The following RASSF8 variants were observed in gnomAD, a reference collection of about 807,000 sequenced individuals.
The protein encoded by RASSF8 is Ras association domain family member 8.
In RASSF8, 22 loss-of-function variants were observed where a neutral mutation model predicts 48.5. The observed-to-expected ratio is 0.45, with a 90% CI of 0.32 to 0.65. RASSF8 has a LOEUF of 0.65. Ranked by LOEUF, RASSF8 falls within the 30% of genes least tolerant of loss-of-function variation. The probability of loss-of-function intolerance (pLI) is 0.03; values close to 1 mark genes in which losing one functional copy is unlikely to be tolerated. For synonymous variants in RASSF8, 127 were observed against 171.5 expected, an observed-to-expected ratio of 0.74 and a Z score of 2.03; for missense variants, 418 against 489.2, an observed-to-expected ratio of 0.85 and a Z score of 1.37.
rs2136797219 is a variant in RASSF8, at chr12:25,959,046, G to T, written c.-305G>T. 1.4e-5 allele frequency: 2 copies of T among 147,702 alleles called. No individual in the cohort carries two copies. Among genetic ancestry groups the T allele is most frequent in the African/African-American group, 4.9e-5 (2 of 41,112 alleles). The allele number at this position is 147,702 out of a possible 1,614,324, so 9.1% of individuals were successfully genotyped here. ...GGAGTGCCGGGGAGTGCGGCGCGGG[G>T]ACGGGCGCTGGGCGGCCGCGGAGCT... On this transcript the variant is annotated 5_prime_UTR_variant, in exon 1 of 6. Coordinates refer to ENST00000689635, the MANE Select transcript of RASSF8 (RefSeq NM_001394098.1).
chr12:26,067,824 G>C, intron 5 of RASSF8, 111 bp downstream of exon 5: 1 of 1,413,886 alleles, frequency 7.1e-7, no homozygotes, highest in East Asian at 2.4e-5. Context: ...GAATGCCAGG[G>C]GTATTACCAC....
At chr12:25,996,648 G>C (rs921467057) in intron 2 of RASSF8, among the ~76,000 whole-genome samples, 2 of 152,176 alleles carry the variant, frequency 1.3e-5, no homozygotes, top group African/African-American at 4.8e-5. Flanking sequence ...TAGGTCAGCA[G>C]CCTTTAATTT....
chr12:26,045,962 G>A (rs1312268868), intron 2 of RASSF8, among the ~76,000 whole-genome samples: 1 of 152,168 alleles, frequency 6.6e-6, no homozygotes, highest in Non-Finnish European at 1.5e-5. Flanking sequence ...CAGGTGTGCA[G>A]AAGAAAAGTG....
intron 2 of RASSF8, among the ~76,000 whole-genome samples, chr12:26,048,145 A>C (rs530873171): frequency 1.2e-3 from 180 of 152,338 alleles, no homozygotes; most frequent in South Asian, 6.0e-3. Flanking sequence ...ACTTATATTT[A>C]AAAATGGATG....
chr12:26,010,124 ATGCCT>A (rs1942487778), intron 2 of RASSF8, among the ~76,000 whole-genome samples: 1 of 152,218 alleles, frequency 6.6e-6, no homozygotes, highest in Admixed American at 6.5e-5. Context: ...TGGCTAACCA[ATGCCT>A]AATCCATTCT....
Position 26,065,091 on chromosome 12 carries a change from G to A in RASSF8, c.697G>A (p.Glu233Lys), listed in dbSNP as rs1186601699. 3 of 1,613,892 alleles carry A rather than the reference G, an allele frequency of 1.9e-6. No homozygotes were observed. The highest frequency in any genetic ancestry group is 2.5e-6 in the Non-Finnish European group (3 of 1,179,976). The change falls in exon 4 of 6, where the codon GAA becomes AAA. Residue 233 changes from glutamate (E) to lysine (K), a missense_variant. Glu to Lys is a moderately conservative substitution (Grantham distance 56). Coordinates refer to ENST00000689635, the MANE Select transcript of RASSF8 (RefSeq NM_001394098.1). ...ATTCTGGGAAAATGAATTACAGATT[G>A]AACAGGAAAATGAAAAACAGCTGAA... is the stretch of plus-strand genomic sequence containing the variant. ...EEFWENELQI[E>K]QENEKQLKDQ...
chr12:26,030,544 T>C (rs1943008197), intron 2 of RASSF8, among the ~76,000 whole-genome samples: 1 of 152,224 alleles, frequency 6.6e-6, no homozygotes, highest in East Asian at 1.9e-4. Flanking sequence ...CCTGTGATGC[T>C]CTGCAGTGCT....
intron 2 of RASSF8, among the ~76,000 whole-genome samples, chr12:26,021,961 G>A (rs1243614895): frequency 6.6e-6 from 1 of 152,220 alleles, no homozygotes; most frequent in East Asian, 1.9e-4. Flanking sequence ...TTTAAGAGCA[G>A]TAGGCTAAAC....
At chr12:26,041,640 TACAC>T (rs894185190) in intron 2 of RASSF8, among the ~76,000 whole-genome samples, 1 of 151,888 alleles carries the variant, frequency 6.6e-6, no homozygotes, top group Non-Finnish European at 1.5e-5. Context: ...TATATATATA[TACAC>T]ACACATACAC....
chr12:26,065,538 A>G (rs1943854215), intron 4 of RASSF8, 151 bp downstream of exon 4: 2 of 1,017,088 alleles, frequency 2.0e-6, no homozygotes, highest in East Asian at 5.2e-5. Context: ...GTGACTTACG[A>G]CAGCTTAGAT....
chr12:26,040,517 G>A (rs1461321583), intron 2 of RASSF8, among the ~76,000 whole-genome samples: 1 of 152,158 alleles, frequency 6.6e-6, no homozygotes, highest in Non-Finnish European at 1.5e-5. Flanking sequence ...TGACGGGCTT[G>A]TGCCACAAAG....
chr12:25,982,221 T>A (rs1265241686), intron 1 of RASSF8, among the ~76,000 whole-genome samples: 2 of 152,236 alleles, frequency 1.3e-5, no homozygotes, highest in Non-Finnish European at 2.9e-5. Flanking sequence ...TATTTTTAAA[T>A]GAGAGATTGA....
At chr12:25,996,608 G>A (rs1195417487) in intron 2 of RASSF8, among the ~76,000 whole-genome samples, 2 of 152,090 alleles carry the variant, frequency 1.3e-5, no homozygotes, top group African/African-American at 2.4e-5. Context: ...TTCATTTTTT[G>A]CGGTTTCTTC....
At position 25,969,536 on chromosome 12, in the gene RASSF8, C is replaced by G. The variant is rs568702324; in HGVS notation, c.-203+10388C>G. Among the ~76,000 whole-genome samples, 21 of 152,094 alleles carry G rather than the reference C, an allele frequency of 1.4e-4. No individual in the cohort carries two copies. The East Asian group carries it at 2.5e-3, about 18-fold the overall frequency. ...GAAGTAAGGCTAGAAGTAGAAAGAC[C>G]AGTTAGGAGATAATTGCAACAATCC... On this transcript the variant is annotated intron_variant, in intron 1 of 5. Transcript: ENST00000689635.
At chr12:25,966,224 G>C (rs932059437) in intron 1 of RASSF8, among the ~76,000 whole-genome samples, 1 of 152,192 alleles carries the variant, frequency 6.6e-6, no homozygotes, top group Non-Finnish European at 1.5e-5. Context: ...TTAGACATTT[G>C]TGGTATTTTA....
chr12:25,963,590 T>G (rs2136823467), intron 1 of RASSF8, among the ~76,000 whole-genome samples: 1 of 152,354 alleles, frequency 6.6e-6, no homozygotes, highest in South Asian at 2.1e-4. Flanking sequence ...CTTTCTAGTT[T>G]TGTATCTTAT....
At chr12:26,068,647 T>C (rs553176870) in intron 5 of RASSF8, 50 bp from the exon 6 acceptor site, 1 of 1,374,642 alleles carries the variant, frequency 7.3e-7, no homozygotes, top group South Asian at 1.2e-5. Flanking sequence ...TATTGCTAAG[T>C]ACTCCAAGTT....
Position 26,069,306 on chromosome 12 carries a change from A to C in RASSF8, c.*488A>C, listed in dbSNP as rs746223876. 5.6e-5 allele frequency: 55 copies of C among 985,430 alleles called. No individual in the cohort carries two copies. The highest frequency in any genetic ancestry group is 6.5e-5 in the Non-Finnish European group (54 of 829,622). 61.0% of individuals were successfully genotyped at this position (985,430 alleles called of 1,614,324 possible). ...GCCAGACTCCATCCATGCATTGCTG[A>C]TTTACACTACACAAGTGTCCTAGGG... On this transcript the variant is annotated 3_prime_UTR_variant, in exon 6 of 6. Coordinates refer to ENST00000689635, the MANE Select transcript of RASSF8 (RefSeq NM_001394098.1).
At chr12:26,054,359 A>G (rs144780954) in intron 2 of RASSF8, among the ~76,000 whole-genome samples, 278 of 152,354 alleles carry the variant, frequency 1.8e-3, no homozygotes, top group African/African-American at 6.4e-3. Context: ...TGCTTTGCTT[A>G]TAATGCAGCC....
Sources: gnomAD v4.1 joint callset for allele counts (sites outside exome capture counted in the v4.1 genomes callset) on GRCh38, gnomAD v4.1.1 for gene constraint, MANE v1.5 for transcripts, NCBI Gene and HGNC (gene_info 2026-07-23, HGNC 2026-07-21) for gene names.